The following PRKN variants were observed in gnomAD, a reference collection of about 807,000 sequenced individuals.
PRKN encodes the protein E3 ubiquitin-protein ligase parkin.
In PRKN, 56 loss-of-function variants were observed where a neutral mutation model predicts 59.5. The observed-to-expected ratio is 0.94, with a 90% CI of 0.76 to 1.18. The LOEUF is 1.18. Among genes scored for constraint, PRKN ranks in the 50% most tolerant of loss-of-function variants. The pLI is 0.00. For synonymous variants in PRKN, 250 were observed against 222.1 expected (o/e 1.13, Z -1.12); for missense variants, 657 against 596.4 (o/e 1.10, Z -1.06).
chr6:162,422,924 C>T (rs374502738), intron 2 of PRKN, among the ~76,000 whole-genome samples: 6 of 120,600 alleles, frequency 5.0e-5, no homozygotes, highest in Admixed American at 1.2e-4. Context: ...CCAGCCTGGG[C>T]GACAGAGCAA....
chr6:162,239,078 G>T (rs1778872677), intron 3 of PRKN, among the ~76,000 whole-genome samples: 1 of 152,158 alleles, frequency 6.6e-6, no homozygotes, highest in African/African-American at 2.4e-5. Flanking sequence ...TTCAGAGAAG[G>T]AGGGAAATGC....
intron 5 of PRKN, among the ~76,000 whole-genome samples, chr6:161,979,103 G>A (rs1781163583): frequency 6.6e-6 from 1 of 151,918 alleles, no homozygotes. Flanking sequence ...GTCACTTCTG[G>A]GAAACCTTAA....
intron 7 of PRKN, among the ~76,000 whole-genome samples, chr6:161,718,807 G>T (rs572753014): frequency 1.3e-5 from 2 of 152,222 alleles, no homozygotes; most frequent in East Asian, 3.9e-4. Context: ...GACTCAAGAG[G>T]TCTTCTATCC....
intron 2 of PRKN, among the ~76,000 whole-genome samples, chr6:162,329,347 G>A (rs939568974): frequency 2.0e-5 from 3 of 152,082 alleles, no homozygotes; most frequent in Non-Finnish European, 2.9e-5. Context: ...GGGCATATAC[G>A]CACAGAGAGC....
chr6:162,642,408 G>T (rs2849551), intron 1 of PRKN, among the ~76,000 whole-genome samples: 126,029 of 152,124 alleles, frequency 0.83, 52,522 homozygotes, highest in East Asian at 0.95. Flanking sequence ...AAATAATACT[G>T]ATTAATTAGC....
At chr6:161,884,297 A>T (rs1447876047) in intron 6 of PRKN, among the ~76,000 whole-genome samples, 1 of 152,218 alleles carries the variant, frequency 6.6e-6, no homozygotes, top group Non-Finnish European at 1.5e-5. Flanking sequence ...TAATTCAACC[A>T]TTTAAGTAGG....
intron 2 of PRKN, among the ~76,000 whole-genome samples, chr6:162,325,383 C>G (rs993059281): frequency 6.6e-6 from 1 of 152,110 alleles, no homozygotes; most frequent in African/African-American, 2.4e-5. Context: ...ACTCTTTGTA[C>G]CATTTTTCAA....
intron 3 of PRKN, among the ~76,000 whole-genome samples, chr6:162,235,374 TACGACATGCC>T (rs1778608185): frequency 6.6e-6 from 1 of 152,210 alleles, no homozygotes; most frequent in Non-Finnish European, 1.5e-5. Flanking sequence ...AAATGAGTCT[TACGACATGCC>T]TCCGTCATTC....
At chr6:162,000,120 T>C (rs1460727971) in intron 5 of PRKN, among the ~76,000 whole-genome samples, 1 of 152,092 alleles carries the variant, frequency 6.6e-6, no homozygotes, top group African/African-American at 2.4e-5. Flanking sequence ...GTGCAGTCTT[T>C]TGTGTGGACA....
intron 7 of PRKN, among the ~76,000 whole-genome samples, chr6:161,711,435 G>A (rs1786747039): frequency 6.6e-6 from 1 of 152,182 alleles, no homozygotes; most frequent in Non-Finnish European, 1.5e-5. Flanking sequence ...TGTCAGAAGA[G>A]AAGTCGTCAT....
chr6:161,535,563 A>C (rs1430719173), intron 9 of PRKN, among the ~76,000 whole-genome samples: 1 of 152,248 alleles, frequency 6.6e-6, no homozygotes, highest in Non-Finnish European at 1.5e-5. Flanking sequence ...AGCTGGGCAC[A>C]TCGCACCCCG....
At chr6:162,560,839 CAG>C (rs1180582843) in intron 1 of PRKN, among the ~76,000 whole-genome samples, 6 of 37,184 alleles carry the variant, frequency 1.6e-4, no homozygotes, top group Admixed American at 4.5e-4. Flanking sequence ...AATTAAAGCC[CAG>C]AGAGAGAGAG....
intron 1 of PRKN, among the ~76,000 whole-genome samples, chr6:162,638,260 G>A (rs1264039094): frequency 6.7e-6 from 1 of 149,916 alleles, no homozygotes; most frequent in African/African-American, 2.5e-5. Context: ...CTCCTTTCCT[G>A]TTTTCTTGAC....
intron 2 of PRKN, among the ~76,000 whole-genome samples, chr6:162,416,962 CCTAA>C (rs1304667378): frequency 6.6e-6 from 1 of 152,090 alleles, no homozygotes; most frequent in Non-Finnish European, 1.5e-5. Context: ...AAGCAGTTCT[CCTAA>C]CTAAACAGCT....
At chr6:162,385,088 C>A (rs943735279) in intron 2 of PRKN, among the ~76,000 whole-genome samples, 7 of 151,982 alleles carry the variant, frequency 4.6e-5, no homozygotes, top group African/African-American at 1.7e-4. Context: ...CAAAGACATA[C>A]AGAATCATAT....
At chr6:162,407,071 T>C (rs2128152749) in intron 2 of PRKN, among the ~76,000 whole-genome samples, 1 of 152,256 alleles carries the variant, frequency 6.6e-6, no homozygotes, top group South Asian at 2.1e-4. Flanking sequence ...AATACCCCCA[T>C]TTATATTCCC....
intron 2 of PRKN, among the ~76,000 whole-genome samples, chr6:162,400,710 A>C (rs1260962345): frequency 6.6e-6 from 1 of 152,092 alleles, no homozygotes; most frequent in Non-Finnish European, 1.5e-5. Flanking sequence ...TGAACCAGAA[A>C]AGGTAGATGG....
chr6:161,752,473 G>A (rs1788738028), intron 7 of PRKN, among the ~76,000 whole-genome samples: 1 of 152,168 alleles, frequency 6.6e-6, no homozygotes, highest in Non-Finnish European at 1.5e-5. Context: ...GCTGGCTAAT[G>A]ACCTGAGCCC....
chr6:161,535,242 T>C (rs904729507), intron 9 of PRKN, among the ~76,000 whole-genome samples: 4 of 152,214 alleles, frequency 2.6e-5, no homozygotes, highest in African/African-American at 9.7e-5. Flanking sequence ...GCGAATACAA[T>C]TTTACGGGTA....
Sources: gnomAD v4.1 joint callset for allele counts (sites outside exome capture counted in the v4.1 genomes callset) on GRCh38, gnomAD v4.1.1 for gene constraint, MANE v1.5 for transcripts, NCBI Gene and HGNC (gene_info 2026-07-23, HGNC 2026-07-21) for gene names.